The following KNDC1 variants were observed in gnomAD, a reference collection of about 807,000 sequenced individuals.
The protein encoded by KNDC1 is kinase non-catalytic C-lobe domain containing 1.
In KNDC1, 106 loss-of-function variants were observed where a neutral mutation model predicts 172.8. The observed-to-expected ratio is 0.61, with a 90% CI of 0.52 to 0.72. The LOEUF is 0.72. Among genes scored for constraint, KNDC1 ranks in the 30% least tolerant of loss-of-function variants. The pLI is 0.00. For missense variants in KNDC1, 2,325 were observed against 2,394.5 expected, an observed-to-expected ratio of 0.97 and a Z score of 0.61; for synonymous variants, 1,083 against 1,062.2, an observed-to-expected ratio of 1.02 and a Z score of -0.38.
rs1279853377 is a variant in KNDC1, at chr10:133,201,584, C to T, written c.3073C>T (p.Leu1025=). The part of the protein sequence containing the change: ...TSVSDVDSDA[L]SRGNFEVGFR... ...GGTGTCGGATGTGGACTCGGACGCA[C>T]TGTCACGGGGAAACTTCGAGGTGGG... The change falls in exon 17 of 30, where the codon CTG becomes TTG. Residue 1025 remains leucine, a synonymous_variant. Transcript: ENST00000304613. The T allele has an allele frequency of 6.2e-6, 10 of 1,613,064 alleles. No individual in the cohort carries two copies. The highest frequency in any genetic ancestry group is 8.5e-6 in the Non-Finnish European group (10 of 1,179,956).
intron 3 of KNDC1, among the ~76,000 whole-genome samples, chr10:133,170,789 C>T (rs941156508): frequency 4.6e-5 from 7 of 152,238 alleles, no homozygotes; most frequent in Non-Finnish European, 8.8e-5. Flanking sequence ...ATTTTCATGG[C>T]AGCTTCTGCA....
At chr10:133,192,831 A>T (rs1359261730) in intron 9 of KNDC1, among the ~76,000 whole-genome samples, 1 of 152,204 alleles carries the variant, frequency 6.6e-6, no homozygotes, top group Non-Finnish European at 1.5e-5. Context: ...TATCCATGTC[A>T]TCAAAATCCT....
intron 26 of KNDC1, among the ~76,000 whole-genome samples, chr10:133,217,180 C>T (rs1460396195): frequency 6.6e-6 from 1 of 152,236 alleles, no homozygotes; most frequent in African/African-American, 2.4e-5. Context: ...ATACTTTTTA[C>T]AATTAAAAAT....
At chr10:133,210,113 C>T (rs1474598880) in intron 20 of KNDC1, among the ~76,000 whole-genome samples, 5 of 151,954 alleles carry the variant, frequency 3.3e-5, no homozygotes, top group Non-Finnish European at 4.4e-5. Context: ...CAGCAGGGCA[C>T]GGTGGCTCAC....
intron 3 of KNDC1, among the ~76,000 whole-genome samples, chr10:133,176,073 G>A (rs1853530624): frequency 6.6e-6 from 1 of 151,654 alleles, no homozygotes; most frequent in African/African-American, 2.4e-5. Flanking sequence ...TGGATAGGTG[G>A]ATGGATGGAT....
intron 15 of KNDC1, 44 bp downstream of exon 15, chr10:133,199,646 C>A: frequency 6.2e-7 from 1 of 1,601,290 alleles, no homozygotes; most frequent in African/African-American, 1.3e-5. Flanking sequence ...CTCCCTGATG[C>A]CCACTGTGCC....
intron 23 of KNDC1, 93 bp from the exon 24 acceptor site, chr10:133,212,623 G>T (rs1301814833): frequency 1.9e-6 from 2 of 1,065,414 alleles, no homozygotes; most frequent in Admixed American, 4.3e-5. Flanking sequence ...CTTGCACCTG[G>T]CCTGGTCCTC....
chr10:133,177,624 TG>T (rs1379945345), intron 3 of KNDC1, among the ~76,000 whole-genome samples: 1 of 151,810 alleles, frequency 6.6e-6, no homozygotes, highest in Non-Finnish European at 1.5e-5. Flanking sequence ...ATGCACATAG[TG>T]TGTTGTGAGC....
chr10:133,213,747 A>G lies in KNDC1; in HGVS notation c.4526+20A>G. The G allele has an allele frequency of 6.2e-7, 1 of 1,610,974 alleles. No individual in the cohort carries two copies. The highest frequency in any genetic ancestry group is 8.5e-7 in the Non-Finnish European group (1 of 1,177,632). On this transcript the variant is annotated intron_variant, in intron 25 of 29. Transcript: ENST00000304613. Reference sequence around the variant, plus strand: ...CCCCAAGTGAGCGTCCGGGACCCTCAGCTGGGAGCGGTGGTGGAGGGTCTC... The same window carrying G: ...CCCCAAGTGAGCGTCCGGGACCCTCGGCTGGGAGCGGTGGTGGAGGGTCTC...
chr10:133,209,629 T>G lies in KNDC1; in HGVS notation c.3795-982T>G, dbSNP rs1845315187. On this transcript the variant is annotated intron_variant, in intron 20 of 29. Transcript: ENST00000304613. The surrounding 1 kb of genome is among the most constrained non-coding windows in gnomAD (Gnocchi z 4.9). Reference sequence around the variant, plus strand: ...CAGTTTGTGGCTTGCATGGCGTGAGTGTGAGTGCTGTGCTTCCATGGAAGG... The same window carrying G: ...CAGTTTGTGGCTTGCATGGCGTGAGGGTGAGTGCTGTGCTTCCATGGAAGG... Among the ~76,000 whole-genome samples the G allele has an allele frequency of 6.6e-6, 1 of 151,872 alleles. No homozygotes were observed. The highest frequency in any genetic ancestry group is 1.5e-5 in the Non-Finnish European group (1 of 67,918).
intron 17 of KNDC1, among the ~76,000 whole-genome samples, chr10:133,203,858 C>T (rs576009484): frequency 4.8e-4 from 73 of 152,340 alleles, no homozygotes; most frequent in African/African-American, 1.6e-3. Context: ...GCGTGAGGAG[C>T]GCCCCCGACG....
rs11101603 is a variant in KNDC1 at position 133,172,060 on chromosome 10, G to A, written c.360+3748G>A. Among the ~76,000 whole-genome samples, 15 of 152,188 alleles carry A rather than the reference G, an allele frequency of 9.9e-5. No homozygotes were observed. The South Asian group carries it at 2.3e-3, about 23-fold the overall frequency. ...AAACAAGTGTTGGTTCCTCCCATCC[G>A]ATGGTCCTGCTACAGGTTTTCCTTC... is the stretch of plus-strand genomic sequence containing the variant. On this transcript the variant is annotated intron_variant, in intron 3 of 29. Coordinates refer to ENST00000304613, the MANE Select transcript of KNDC1 (RefSeq NM_152643.8).
chr10:133,160,641 C>A, intron 1 of KNDC1, 72 bp downstream of exon 1: 3 of 1,081,368 alleles, frequency 2.8e-6, no homozygotes, highest in South Asian at 3.0e-5. Context: ...GGGGGGAGGA[C>A]CCGGGAGGGG....
intron 6 of KNDC1, among the ~76,000 whole-genome samples, chr10:133,187,775 G>A (rs528161261): frequency 1.2e-4 from 18 of 152,292 alleles, no homozygotes; most frequent in Non-Finnish European, 2.2e-4. Flanking sequence ...AAAATGCACC[G>A]AACAAAAGCC....
intron 21 of KNDC1, 144 bp from the exon 22 acceptor site, chr10:133,211,278 C>A: frequency 1.4e-6 from 1 of 716,474 alleles, no homozygotes; most frequent in African/African-American, 1.8e-5. Context: ...GAGGGACCCA[C>A]GGAAGACCCC....
At position 133,207,130 on chromosome 10, in the gene KNDC1, C is replaced by T; in HGVS notation, c.3580-7C>T. 25 of 1,577,980 alleles carry T rather than the reference C, an allele frequency of 1.6e-5. No individual in the cohort carries two copies. The highest frequency in any genetic ancestry group is 2.1e-5 in the Non-Finnish European group (25 of 1,162,862). The stretch of plus-strand genomic sequence containing the variant: ...AGTGACCAAGCGCCCGTGTCCCGCT[C>T]CGGCAGGTCATGTACGCGGAACGCT... On this transcript the variant is annotated splice_region_variant and splice_polypyrimidine_tract_variant and intron_variant, in intron 19 of 29. Coordinates refer to ENST00000304613, the MANE Select transcript of KNDC1 (RefSeq NM_152643.8).
At chr10:133,162,115 G>A (rs957168996) in intron 1 of KNDC1, among the ~76,000 whole-genome samples, 10 of 152,210 alleles carry the variant, frequency 6.6e-5, no homozygotes. Flanking sequence ...CACCGAGTTT[G>A]CAGCGTGCAG....
At chr10:133,197,801 A>G in intron 12 of KNDC1, 33 bp downstream of exon 12, 1 of 1,493,916 alleles carries the variant, frequency 6.7e-7, no homozygotes, top group East Asian at 2.3e-5. Flanking sequence ...CTGCCCCACC[A>G]GCTCCTGCAC....
rs1438725636 is a variant in KNDC1, at chr10:133,195,800, G to A, written c.1713G>A (p.Pro571=). 16 of 1,574,710 alleles carry A rather than the reference G, an allele frequency of 1.0e-5. No homozygotes were observed. Among genetic ancestry groups the A allele is most frequent in the Admixed American group, 3.6e-5 (2 of 54,810 alleles). The change falls in exon 10 of 30, where the codon CCG becomes CCA. Residue 571 remains proline (P), a synonymous_variant. Coordinates refer to ENST00000304613, the MANE Select transcript of KNDC1 (RefSeq NM_152643.8). ...CCAGGCGCAGTGCCCCGGAGCGGCC[G>A]TCCGCGGCTGAGGCCATCAAGGTAA... The part of the protein sequence containing the change: ...DMARRSAPER[P]SAAEAIKVCG...
Sources: gnomAD v4.1 joint callset for allele counts (sites outside exome capture counted in the v4.1 genomes callset) on GRCh38, gnomAD v4.1.1 for gene constraint, Gnocchi (gnomAD v3.1) non-coding constraint, MANE v1.5 for transcripts, NCBI Gene and HGNC (gene_info 2026-07-23, HGNC 2026-07-21) for gene names.